TBC1D20: variants seen among roughly 807,000 people sequenced by gnomAD.
TBC1D20 encodes TBC1 domain family member 20.
A neutral mutation model predicts 41.6 loss-of-function variants in TBC1D20; 12 were observed. The observed-to-expected ratio is 0.29, with a 90% CI of 0.18 to 0.47. The LOEUF (loss-of-function observed/expected upper bound fraction) is 0.47, where lower values mean the gene tolerates loss of function less well. TBC1D20 is among the 20% of genes least tolerant of loss of function. TBC1D20 has a pLI of 1.00. For synonymous variants in TBC1D20, 205 were observed against 204.8 expected, an observed-to-expected ratio of 1.00 and a Z score of -0.01; for missense variants, 421 against 517.4, an observed-to-expected ratio of 0.81 and a Z score of 1.81.
rs1442680403 is a variant in TBC1D20, at chr20:449,096, C to T, written c.71-1022G>A. ...TCCTGACGTCGTGATCCTCCTGCCTCGGTCTCCCAAAGTGCTAGGATTACA... is the reference window on the plus strand; with the variant it reads ...TCCTGACGTCGTGATCCTCCTGCCTTGGTCTCCCAAAGTGCTAGGATTACA... On this transcript the variant is annotated intron_variant, in intron 1 of 7. Coordinates refer to ENST00000354200, the MANE Select transcript of TBC1D20 (RefSeq NM_144628.4). Among the ~76,000 whole-genome samples, 5 of 148,700 alleles carry T rather than the reference C, an allele frequency of 3.4e-5. No homozygotes were observed. In the Admixed American group the frequency reaches 3.4e-4, roughly 10 times the overall value.
At chr20:454,669 A>ATTATTATTATT (rs2017511465) in intron 1 of TBC1D20, among the ~76,000 whole-genome samples, 1 of 151,222 alleles carries the variant, frequency 6.6e-6, no homozygotes, top group African/African-American at 2.4e-5. Flanking sequence ...TATTATTATT[A>ATTATTATTATT]TTATTTTATT....
intron 1 of TBC1D20, chr20:450,573 A>G (rs2122409299): frequency 6.6e-6 from 1 of 152,236 alleles, no homozygotes; most frequent in East Asian, 1.9e-4. Flanking sequence ...TTTCTTAAAA[A>G]CCATAGTAAG....
chr20:459,170 A>G (rs2122429975), intron 1 of TBC1D20, among the ~76,000 whole-genome samples: 2 of 152,354 alleles, frequency 1.3e-5, no homozygotes, highest in South Asian at 4.1e-4. Flanking sequence ...AAATTCACAG[A>G]CATCCTGTTT....
intron 1 of TBC1D20, among the ~76,000 whole-genome samples, chr20:456,517 T>C (rs1267650073): frequency 1.3e-5 from 2 of 152,214 alleles, no homozygotes; most frequent in Non-Finnish European, 2.9e-5. Flanking sequence ...TTATATATAA[T>C]AGAATCTGAG....
intron 5 of TBC1D20, 123 bp downstream of exon 5, chr20:441,465 G>A (rs2017227488): frequency 2.5e-6 from 2 of 815,316 alleles, no homozygotes; most frequent in Non-Finnish European, 4.1e-6. Flanking sequence ...AACAACTGGG[G>A]AGAACTTAAC....
intron 1 of TBC1D20, among the ~76,000 whole-genome samples, chr20:457,947 A>AT (rs147952122): frequency 0.058 from 8,756 of 151,938 alleles, 307 homozygotes; most frequent in Middle Eastern, 0.11. Flanking sequence ...AACATATTTA[A>AT]TTTTTTTTTA....
At chr20:460,342 G>A (rs2017607695) in intron 1 of TBC1D20, among the ~76,000 whole-genome samples, 1 of 151,888 alleles carries the variant, frequency 6.6e-6, no homozygotes, top group African/African-American at 2.4e-5. Flanking sequence ...TGAGGTGGGA[G>A]GAGCACTTAA....
intron 1 of TBC1D20, among the ~76,000 whole-genome samples, chr20:456,731 ATT>A (rs1438382938): frequency 1.0e-4 from 15 of 143,234 alleles, no homozygotes; most frequent in East Asian, 8.6e-4. Context: ...CGCCTGGCTA[ATT>A]TTTTGTATTT....
intron 1 of TBC1D20, among the ~76,000 whole-genome samples, chr20:449,658 G>A (rs553118626): frequency 1.3e-5 from 2 of 152,262 alleles, no homozygotes; most frequent in South Asian, 2.1e-4. Context: ...TTCAAATCCT[G>A]GCTCTGCCAC....
chr20:451,373 T>C (rs2017439055), intron 1 of TBC1D20, among the ~76,000 whole-genome samples: 1 of 152,072 alleles, frequency 6.6e-6, no homozygotes, highest in South Asian at 2.1e-4. Context: ...GGTGAAACCC[T>C]GTCTCTACTT....
At chr20:443,699 A>C (rs1344742596) in intron 3 of TBC1D20, among the ~76,000 whole-genome samples, 2 of 152,196 alleles carry the variant, frequency 1.3e-5, no homozygotes, top group Non-Finnish European at 2.9e-5. Flanking sequence ...TTCAGCAGAA[A>C]AGCAGTGAGC....
intron 1 of TBC1D20, among the ~76,000 whole-genome samples, chr20:457,922 A>G (rs1475845679): frequency 1.3e-5 from 2 of 152,150 alleles, no homozygotes; most frequent in Admixed American, 6.6e-5. Flanking sequence ...AATTTCCAAC[A>G]AAGAGAAAAA....
intron 3 of TBC1D20, among the ~76,000 whole-genome samples, chr20:444,337 C>A (rs1037554270): frequency 1.3e-5 from 2 of 152,168 alleles, no homozygotes; most frequent in Non-Finnish European, 2.9e-5. Flanking sequence ...GGCCAGAGCA[C>A]AGTGCAGAAG....
rs708978 is a variant in TBC1D20, at chr20:462,293, C to G, written c.70+43G>C. On this transcript the variant is annotated intron_variant, in intron 1 of 7. Transcript: ENST00000354200. ...CGCCAGCTGCCCCTGCCCCCCGGGC[C>G]GCCCTCGCAGGCCGCTCCCGGCGCC... 0.56 allele frequency: 687,916 copies of G among 1,234,928 alleles called. 197,592 individuals are homozygous for G. Among genetic ancestry groups the G allele is most frequent in the East Asian group, 0.74 (19,299 of 25,936 alleles). The allele number at this position is 1,234,928 out of a possible 1,614,324, so 76.5% of individuals were successfully genotyped here.
chr20:435,969 G>A lies in TBC1D20; in HGVS notation c.*2617C>T, dbSNP rs973418429. The A allele has an allele frequency of 6.6e-6, 1 of 152,314 alleles. No individual in the cohort carries two copies. The highest frequency in any genetic ancestry group is 1.5e-5 in the Non-Finnish European group (1 of 68,122). 9.4% of individuals were successfully genotyped at this position (152,314 alleles called of 1,614,324 possible). Reference sequence around the variant, plus strand: ...ACAGACAGAGATTCCGTTTTCTGAGGCCTGCAGTGTCCCAACATTATAACA... The same window carrying A: ...ACAGACAGAGATTCCGTTTTCTGAGACCTGCAGTGTCCCAACATTATAACA... On this transcript the variant is annotated 3_prime_UTR_variant, in exon 8 of 8. Transcript: ENST00000354200.
Position 438,324 on chromosome 20 carries a change from C to G in TBC1D20, c.*262G>C. On this transcript the variant is annotated 3_prime_UTR_variant, in exon 8 of 8. Transcript: ENST00000354200. The stretch of plus-strand genomic sequence containing the variant: ...TTCAGAAACCCACTTCCTCCAACAC[C>G]AGGGAGGTGGCAGAGAGCCCATCCA... 2.0e-6 allele frequency: 1 copy of G among 494,908 alleles called. No individual in the cohort carries two copies. The highest frequency in any genetic ancestry group is 3.6e-6 in the Non-Finnish European group (1 of 278,310). The allele number at this position is 494,908 out of a possible 1,614,324, so 30.7% of individuals were successfully genotyped here.
chr20:448,897 G>A (rs926268134), intron 1 of TBC1D20, among the ~76,000 whole-genome samples: 1 of 141,884 alleles, frequency 7.0e-6, no homozygotes, highest in Non-Finnish European at 1.5e-5. Context: ...AGGCTGGAGT[G>A]CAGTGGCGCA....
rs2017133778 is a variant in TBC1D20 at position 437,124 on chromosome 20, AAAT to A, written c.*1459_*1461del. 6.6e-6 allele frequency: 1 copy of A among 152,344 alleles called. No homozygotes were observed. Among genetic ancestry groups the A allele is most frequent in the Admixed American group, 6.6e-5 (1 of 15,258 alleles). 9.4% of individuals were successfully genotyped at this position (152,344 alleles called of 1,614,324 possible). On this transcript the variant is annotated 3_prime_UTR_variant, in exon 8 of 8. Coordinates refer to ENST00000354200, the MANE Select transcript of TBC1D20 (RefSeq NM_144628.4). ...GTGAGACTCCATCTCAGAAAAAAGA[AAAT>A]AATAATAAAATAAATAAAAATAAAG...
At chr20:457,662 A>G (rs1479162965) in intron 1 of TBC1D20, among the ~76,000 whole-genome samples, 1 of 152,230 alleles carries the variant, frequency 6.6e-6, no homozygotes, top group Admixed American at 6.5e-5. Context: ...TATGAAGCTG[A>G]AGTGCCAGGT....
Sources: gnomAD v4.1 joint callset for allele counts (sites outside exome capture counted in the v4.1 genomes callset) on GRCh38, gnomAD v4.1.1 for gene constraint, MANE v1.5 for transcripts, NCBI Gene and HGNC (gene_info 2026-07-23, HGNC 2026-07-21) for gene names.